DIPK1C: variants seen among roughly 807,000 people sequenced by gnomAD.
DIPK1C encodes the protein familial non-conventional Alzheimer's dementia.
In DIPK1C, 33 loss-of-function variants were observed where a neutral mutation model predicts 28.0. That is an observed-to-expected ratio of 1.18 (90% confidence interval 0.89 to 1.58). DIPK1C has a LOEUF of 1.58. DIPK1C is among the 40% of genes most tolerant of loss of function. The pLI, the probability that DIPK1C is intolerant of heterozygous loss-of-function variation, is 0.00. For missense variants in DIPK1C, 569 were observed against 568.5 expected (o/e 1.00, Z -0.01); for synonymous variants, 255 against 248.8 (o/e 1.02, Z -0.23).
At chr18:74,450,328 A>C (rs1029315832) in intron 1 of DIPK1C, among the ~76,000 whole-genome samples, 6 of 152,256 alleles carry the variant, frequency 3.9e-5, no homozygotes, top group Non-Finnish European at 8.8e-5. Context: ...TATCTAATTT[A>C]ATCAAAAGTA....
rs1418254778 is a variant in DIPK1C, at chr18:74,435,208, AACT to A, written c.*1290_*1292del. 1 of 152,200 alleles carries A rather than the reference AACT, an allele frequency of 6.6e-6. No individual in the cohort carries two copies. The highest frequency in any genetic ancestry group is 2.4e-5 in the African/African-American group (1 of 41,438). The allele number at this position is 152,200 out of a possible 1,614,324, so 9.4% of individuals were successfully genotyped here. On this transcript the variant is annotated 3_prime_UTR_variant, in exon 4 of 4. Coordinates refer to ENST00000343998, the MANE Select transcript of DIPK1C (RefSeq NM_001044369.3). ...ATTAATTTGTCTTCTTTAATGTGTA[AACT>A]GCCAACATGACTTCCTGATTCTCTC...
At chr18:74,460,520 T>C (rs1986600214), upstream of DIPK1C, among the ~76,000 whole-genome samples, 1 of 152,212 alleles carries the variant, frequency 6.6e-6, no homozygotes, top group South Asian at 2.1e-4. Flanking sequence ...ATTTTCTAAT[T>C]TTATTTCAGA....
At position 74,436,626 on chromosome 18, in the gene DIPK1C, C is replaced by CTG; in HGVS notation, c.1134_1135insCA (p.Val379GlnfsTer34). On this transcript the variant is annotated frameshift_variant, in exon 4 of 4. Transcript: ENST00000343998. LOFTEE classifies it low-confidence loss of function (END_TRUNC). ...ACCCCAGGGTCTGCACATTCCTGCA[C>CTG]CGCCTCCTGTAACTGCAGCTGAAGC... The CTG allele has an allele frequency of 6.2e-7, 1 of 1,613,782 alleles. No individual in the cohort carries two copies. Among genetic ancestry groups the CTG allele is most frequent in the Non-Finnish European group, 8.5e-7 (1 of 1,180,010 alleles).
Position 74,457,053 on chromosome 18 carries a change from G to T in DIPK1C, c.198+9C>A. 1 of 1,444,998 alleles carries T rather than the reference G, an allele frequency of 6.9e-7. No homozygotes were observed. The highest frequency in any genetic ancestry group is 9.0e-7 in the Non-Finnish European group (1 of 1,108,254). 89.5% of individuals were successfully genotyped at this position (1,444,998 alleles called of 1,614,324 possible). A position where few individuals can be genotyped will look rare whatever the true frequency, so the allele number is the denominator to read the frequency against. ...GCGCGGCGCGGGGCAGAGCGGCGGCGGGACCTACCAGCGCGGCCAGGATGC... is the reference window on the plus strand; with the variant it reads ...GCGCGGCGCGGGGCAGAGCGGCGGCTGGACCTACCAGCGCGGCCAGGATGC... On this transcript the variant is annotated intron_variant, in intron 1 of 3. Coordinates refer to ENST00000343998, the MANE Select transcript of DIPK1C (RefSeq NM_001044369.3).
Position 74,436,410 on chromosome 18 carries a change from CA to C in DIPK1C, c.*90del. ...GACCAGAACGGCACCCCAGAGAGCA[CA>C]GGGGAAATGGCTCATCTTTAAAACA... On this transcript the variant is annotated 3_prime_UTR_variant, in exon 4 of 4. Transcript: ENST00000343998. 7.8e-7 allele frequency: 1 copy of C among 1,288,212 alleles called. No individual in the cohort carries two copies. The highest frequency in any genetic ancestry group is 2.4e-5 in the Admixed American group (1 of 41,832). 79.8% of individuals were successfully genotyped at this position (1,288,212 alleles called of 1,614,324 possible). A position where few individuals can be genotyped will look rare whatever the true frequency, so the allele number is the denominator to read the frequency against.
At chr18:74,457,330 GC>G (rs1406651114), upstream of DIPK1C, 1 of 961,196 alleles carries the variant, frequency 1.0e-6, no homozygotes, top group African/African-American at 1.8e-5. Context: ...TAGCTGCTCC[GC>G]GGCTCAGGCC....
intron 1 of DIPK1C, among the ~76,000 whole-genome samples, chr18:74,450,243 TA>T (rs888285721): frequency 1.4e-4 from 21 of 151,938 alleles, no homozygotes; most frequent in African/African-American, 4.6e-4. Flanking sequence ...CCTTTTAAAT[TA>T]AAAAAAAGCT....
chr18:74,459,849 C>T (rs916816066), upstream of DIPK1C, among the ~76,000 whole-genome samples: 1 of 152,100 alleles, frequency 6.6e-6, no homozygotes, highest in African/African-American at 2.4e-5. Context: ...ACAGAGCTTC[C>T]TTGGGAAATC....
At chr18:74,443,142 C>T (rs1986182501) in intron 2 of DIPK1C, among the ~76,000 whole-genome samples, 2 of 152,140 alleles carry the variant, frequency 1.3e-5, no homozygotes, top group Admixed American at 1.3e-4. Flanking sequence ...CCTGATGACC[C>T]CTGGAACTTC....
intron 2 of DIPK1C, among the ~76,000 whole-genome samples, chr18:74,445,170 TG>T (rs967681496): frequency 6.6e-6 from 1 of 152,174 alleles, no homozygotes; most frequent in African/African-American, 2.4e-5. Flanking sequence ...GGGTTGTACG[TG>T]GACACTCCCT....
chr18:74,437,877 G>A (rs747243840), intron 3 of DIPK1C, among the ~76,000 whole-genome samples: 1 of 152,044 alleles, frequency 6.6e-6, no homozygotes, highest in Non-Finnish European at 1.5e-5. Context: ...TTATATGAGG[G>A]AGATCCCTCC....
intron 2 of DIPK1C, among the ~76,000 whole-genome samples, chr18:74,443,022 C>T (rs1986178578): frequency 6.6e-6 from 1 of 152,182 alleles, no homozygotes; most frequent in Non-Finnish European, 1.5e-5. Context: ...TGGCTTTGGA[C>T]TGACCAGTCA....
rs1986306022 is a variant in DIPK1C, at chr18:74,447,755, C to A, written c.199-472G>T. Among the ~76,000 whole-genome samples the A allele has an allele frequency of 1.3e-5, 2 of 152,194 alleles. No individual in the cohort carries two copies. The highest frequency in any genetic ancestry group is 6.5e-5 in the Admixed American group (1 of 15,294). ...GAGCCCTATCTGCCCCCAGGCTTGACCGCAGTAATGACCCTTCCTGCAAGT... is the reference window on the plus strand; with the variant it reads ...GAGCCCTATCTGCCCCCAGGCTTGAACGCAGTAATGACCCTTCCTGCAAGT... On this transcript the variant is annotated intron_variant, in intron 1 of 3. Coordinates refer to ENST00000343998, the MANE Select transcript of DIPK1C (RefSeq NM_001044369.3). This position sits in a 1 kb window ranked among gnomAD's most constrained non-coding sequence, Gnocchi z 4.1.
chr18:74,446,634 T>C lies in DIPK1C; in HGVS notation c.848A>G (p.Glu283Gly). 1 of 1,467,110 alleles carries C rather than the reference T, an allele frequency of 6.8e-7. No individual in the cohort carries two copies. Among genetic ancestry groups the C allele is most frequent in the Admixed American group, 2.6e-5 (1 of 38,396 alleles). The allele number at this position is 1,467,110 out of a possible 1,614,324, so 90.9% of individuals were successfully genotyped here. ...HRLHLCDIKP[E>G]NFAIRSDFTV... ...GAAGTCGCTCCGGATGGCAAAGTTTTCCGGCTTGATGTCGCAGAGGTGGAG... is the reference window on the plus strand; with the variant it reads ...GAAGTCGCTCCGGATGGCAAAGTTTCCCGGCTTGATGTCGCAGAGGTGGAG... The change falls in exon 2 of 4, where the codon GAA (glutamate) becomes GGA (glycine). Residue 283 changes from glutamate to glycine, a missense_variant. Physicochemically the swap from Glu to Gly is moderately conservative, Grantham distance 98 (BLOSUM62 -2). Coordinates refer to ENST00000343998, the MANE Select transcript of DIPK1C (RefSeq NM_001044369.3).
chr18:74,451,064 G>A (rs1362657089), intron 1 of DIPK1C, among the ~76,000 whole-genome samples: 3 of 152,160 alleles, frequency 2.0e-5, no homozygotes, highest in Non-Finnish European at 4.4e-5. Flanking sequence ...AAGGGTGGGG[G>A]GCCGGGGCAT....
chr18:74,444,211 G>T (rs932407239), intron 2 of DIPK1C, among the ~76,000 whole-genome samples: 1 of 152,144 alleles, frequency 6.6e-6, no homozygotes, highest in African/African-American at 2.4e-5. Context: ...CAAAAACTGT[G>T]GCCCTGGAGT....
chr18:74,440,634 C>T (rs1318149097), intron 3 of DIPK1C, among the ~76,000 whole-genome samples: 1 of 152,178 alleles, frequency 6.6e-6, no homozygotes, highest in Non-Finnish European at 1.5e-5. Context: ...GGTGTCTGTT[C>T]TCCTGCCAAT....
chr18:74,450,824 G>A (rs1342444602), intron 1 of DIPK1C, among the ~76,000 whole-genome samples: 2 of 152,252 alleles, frequency 1.3e-5, no homozygotes, highest in Admixed American at 1.3e-4. Context: ...ATTCCTAAAT[G>A]ACATTAGAGT....
At position 74,436,663 on chromosome 18, in the gene DIPK1C, C is replaced by T. The variant is rs11875335; in HGVS notation, c.1098G>A (p.Ala366=). The T allele has an allele frequency of 1.6e-3, 2,518 of 1,613,992 alleles. 35 individuals carry two copies. The African/African-American group carries it at 0.029, about 18-fold the overall frequency. Residue 366 remains alanine, a synonymous_variant, in exon 4 of 4, where the codon GCG becomes GCA. Transcript: ENST00000343998. The stretch of plus-strand genomic sequence containing the variant: ...ACTGCAGCTGAAGCTGGAAAGAGAC[C>T]GCAGAGCTCTTGAGAGGCGCGGAAA... ...HWFSAPLKSS[A]VSFQLQLQLQ... is the part of the protein sequence containing the mutation.
Sources: allele counts gnomAD v4.1 joint callset (sites outside exome capture counted in the v4.1 genomes callset), GRCh38; gene constraint gnomAD v4.1.1; non-coding constraint Gnocchi (gnomAD v3.1); transcripts MANE v1.5; gene names NCBI Gene and HGNC (gene_info 2026-07-23, HGNC 2026-07-21).